SLC2A13: variants seen among roughly 807,000 people sequenced by gnomAD.
The protein encoded by SLC2A13 is proton myo-inositol cotransporter.
In SLC2A13, 32 loss-of-function variants were observed where a neutral mutation model predicts 64.4. That is an observed-to-expected ratio of 0.50 (90% CI 0.37 to 0.67). The LOEUF is 0.67. Among genes scored for constraint, SLC2A13 ranks in the 30% least tolerant of loss-of-function variants. The pLI is 0.00. For missense variants in SLC2A13, 743 were observed against 829.2 expected (o/e 0.90, Z 1.28); for synonymous variants, 338 against 327.1 (o/e 1.03, Z -0.36).
At chr12:39,805,505 C>A (rs1000729758) in intron 7 of SLC2A13, among the ~76,000 whole-genome samples, 1 of 50,882 alleles carries the variant, frequency 2.0e-5, no homozygotes, top group Non-Finnish European at 3.5e-5. Context: ...TAGGTTAATG[C>A]CTCTGTTGGT....
intron 3 of SLC2A13, among the ~76,000 whole-genome samples, chr12:39,992,347 T>A (rs1947151355): frequency 6.6e-6 from 1 of 152,202 alleles, no homozygotes; most frequent in African/African-American, 2.4e-5. Flanking sequence ...CCCTGACAGA[T>A]GCTAGCATGA....
chr12:39,787,933 G>A (rs1941249342), intron 7 of SLC2A13, among the ~76,000 whole-genome samples: 1 of 152,152 alleles, frequency 6.6e-6, no homozygotes, highest in Admixed American at 6.6e-5. Context: ...CCTACAAAAT[G>A]TACTTGGTAC....
chr12:39,967,347 A>G (rs1356682467), intron 3 of SLC2A13, among the ~76,000 whole-genome samples: 1 of 152,180 alleles, frequency 6.6e-6, no homozygotes, highest in Non-Finnish European at 1.5e-5. Context: ...GTATTTTAGC[A>G]TGGCTCATGA....
intron 7 of SLC2A13, among the ~76,000 whole-genome samples, chr12:39,792,989 T>C (rs1941457543): frequency 6.6e-6 from 1 of 152,162 alleles, no homozygotes; most frequent in Non-Finnish European, 1.5e-5. Context: ...ATGCCCTGTG[T>C]TTTCTATGAC....
chr12:39,902,912 C>T (rs1399613499), intron 4 of SLC2A13, among the ~76,000 whole-genome samples: 1 of 152,044 alleles, frequency 6.6e-6, no homozygotes, highest in Non-Finnish European at 1.5e-5. Flanking sequence ...TATTGAGTTG[C>T]ATCTTATTCC....
At chr12:39,981,596 G>A (rs1282099802) in intron 3 of SLC2A13, among the ~76,000 whole-genome samples, 8 of 150,816 alleles carry the variant, frequency 5.3e-5, no homozygotes, top group South Asian at 2.1e-4. Context: ...TACATTCCTC[G>A]ACACATACAC....
chr12:39,784,033 T>C (rs1272545454), intron 7 of SLC2A13, among the ~76,000 whole-genome samples: 1 of 152,146 alleles, frequency 6.6e-6, no homozygotes, highest in African/African-American at 2.4e-5. Flanking sequence ...GTGAAGGACC[T>C]CTTCAAGGAG....
intron 3 of SLC2A13, among the ~76,000 whole-genome samples, chr12:39,999,248 C>T (rs899846983): frequency 6.6e-6 from 1 of 152,066 alleles, no homozygotes; most frequent in Non-Finnish European, 1.5e-5. Flanking sequence ...AACAGAATAA[C>T]AGCGATTTTA....
At chr12:39,951,903 T>C (rs1199167430) in intron 3 of SLC2A13, among the ~76,000 whole-genome samples, 2 of 152,194 alleles carry the variant, frequency 1.3e-5, no homozygotes, top group African/African-American at 2.4e-5. Flanking sequence ...ATGGAGATTA[T>C]TAATAAAAGT....
At chr12:40,006,137 A>G (rs1230995471) in intron 3 of SLC2A13, among the ~76,000 whole-genome samples, 1 of 152,250 alleles carries the variant, frequency 6.6e-6, no homozygotes, top group Non-Finnish European at 1.5e-5. Context: ...CTTAGGCAAA[A>G]TACAAAATTG....
intron 3 of SLC2A13, among the ~76,000 whole-genome samples, chr12:39,993,921 G>C (rs1947180640): frequency 6.6e-6 from 1 of 151,970 alleles, no homozygotes; most frequent in Non-Finnish European, 1.5e-5. Flanking sequence ...TGAAAAGCAA[G>C]GAGCAAAGGA....
Position 39,900,427 on chromosome 12 carries a change from A to G in SLC2A13, c.1035-28466T>C, listed in dbSNP as rs1275155951. 3.3e-5 allele frequency among the ~76,000 whole-genome samples: 5 copies of G among 152,258 alleles called. No homozygotes were observed. The East Asian group carries it at 9.6e-4, about 29-fold the overall frequency. The stretch of plus-strand genomic sequence containing the variant: ...CTGTTTGCAGATGACATGATCGTAT[A>G]TCTAGAAAACCCCATCGTCTCAGCC... On this transcript the variant is annotated intron_variant, in intron 4 of 9. Coordinates refer to ENST00000280871, the MANE Select transcript of SLC2A13 (RefSeq NM_052885.4).
intron 3 of SLC2A13, among the ~76,000 whole-genome samples, chr12:39,980,112 C>T (rs981922146): frequency 8.6e-5 from 13 of 151,766 alleles, no homozygotes; most frequent in Admixed American, 5.9e-4. Flanking sequence ...ACTTTATAGA[C>T]AAGCAAATGC....
intron 4 of SLC2A13, among the ~76,000 whole-genome samples, chr12:39,916,113 A>G (rs1223557302): frequency 1.3e-5 from 2 of 151,898 alleles, no homozygotes; most frequent in Non-Finnish European, 2.9e-5. Flanking sequence ...GCATCTTCAG[A>G]ATGTTCCCAA....
chr12:39,979,548 C>T (rs940330596), intron 3 of SLC2A13, among the ~76,000 whole-genome samples: 8 of 148,998 alleles, frequency 5.4e-5, no homozygotes, highest in South Asian at 4.3e-4. Flanking sequence ...GGAGCCGATG[C>T]GATCAACTGG....
chr12:39,990,374 A>C (rs1947113105), intron 3 of SLC2A13, among the ~76,000 whole-genome samples: 1 of 152,158 alleles, frequency 6.6e-6, no homozygotes, highest in Non-Finnish European at 1.5e-5. Context: ...ATAAATACAT[A>C]TTTTACATGG....
chr12:39,769,580 G>A (rs1940487017), intron 7 of SLC2A13, among the ~76,000 whole-genome samples: 1 of 151,888 alleles, frequency 6.6e-6, no homozygotes, highest in Admixed American at 6.6e-5. Context: ...GGTGGTACAA[G>A]TCTGTCACCC....
At chr12:40,104,169 GA>G (rs1235464346) in intron 1 of SLC2A13, among the ~76,000 whole-genome samples, 1 of 152,146 alleles carries the variant, frequency 6.6e-6, no homozygotes. Flanking sequence ...CCATAGGGAA[GA>G]AATACTTCAA....
intron 4 of SLC2A13, among the ~76,000 whole-genome samples, chr12:39,900,218 C>T (rs973866637): frequency 6.6e-6 from 1 of 151,986 alleles, no homozygotes; most frequent in Non-Finnish European, 1.5e-5. Context: ...TCTATGACAA[C>T]CCCACAGCCA....
Sources: gnomAD v4.1 joint callset for allele counts (sites outside exome capture counted in the v4.1 genomes callset) on GRCh38, gnomAD v4.1.1 for gene constraint, MANE v1.5 for transcripts, NCBI Gene and HGNC (gene_info 2026-07-23, HGNC 2026-07-21) for gene names.